Variants in TMEM117 observed in about 807,000 individuals in gnomAD.
TMEM117 encodes transmembrane protein 117.
In TMEM117, 27 loss-of-function variants were observed where a neutral mutation model predicts 52.4. That is an observed-to-expected ratio of 0.51 (90% confidence interval 0.38 to 0.71). The LOEUF is 0.71. Ranked by LOEUF, TMEM117 falls within the 30% of genes least tolerant of loss-of-function variation. The pLI, the probability that TMEM117 is intolerant of heterozygous loss-of-function variation, is 0.00. For missense variants in TMEM117, 556 were observed against 630.5 expected, an observed-to-expected ratio of 0.88 and a Z score of 1.26; for synonymous variants, 215 against 206.3, an observed-to-expected ratio of 1.04 and a Z score of -0.36.
At chr12:44,062,996 G>A (rs961902729) in intron 3 of TMEM117, among the ~76,000 whole-genome samples, 2 of 152,054 alleles carry the variant, frequency 1.3e-5, no homozygotes, top group East Asian at 1.9e-4. Context: ...ATTAACTCTC[G>A]GCCTCATGGG....
At chr12:44,165,737 A>T (rs773726188) in intron 4 of TMEM117, among the ~76,000 whole-genome samples, 26 of 152,216 alleles carry the variant, frequency 1.7e-4, no homozygotes, top group Non-Finnish European at 3.8e-4. Context: ...AATTATTATT[A>T]GATATAAAGG....
intron 3 of TMEM117, among the ~76,000 whole-genome samples, chr12:44,034,824 G>A (rs1946685608): frequency 6.6e-6 from 1 of 152,182 alleles, no homozygotes; most frequent in Admixed American, 6.5e-5. Flanking sequence ...TGTCTGTAAG[G>A]ATGTTTTTAG....
At chr12:44,130,974 T>A (rs895658376) in intron 3 of TMEM117, among the ~76,000 whole-genome samples, 3 of 152,160 alleles carry the variant, frequency 2.0e-5, no homozygotes, top group African/African-American at 4.8e-5. Context: ...TAGGACTAGC[T>A]GTGTTGGTCT....
chr12:43,848,723 G>C (rs1327276258), intron 2 of TMEM117, among the ~76,000 whole-genome samples: 1 of 152,164 alleles, frequency 6.6e-6, no homozygotes, highest in Non-Finnish European at 1.5e-5. Context: ...CTCAGCTTAC[G>C]AAGATAACAG....
intron 5 of TMEM117, among the ~76,000 whole-genome samples, chr12:44,255,718 A>G (rs1306587572): frequency 6.6e-6 from 1 of 152,140 alleles, no homozygotes; most frequent in Admixed American, 6.6e-5. Flanking sequence ...TAGAGAAAAT[A>G]CAGGAATAAA....
At chr12:43,898,284 A>G (rs1314920671) in intron 2 of TMEM117, among the ~76,000 whole-genome samples, 1 of 151,606 alleles carries the variant, frequency 6.6e-6, no homozygotes, top group Non-Finnish European at 1.5e-5. Context: ...TCTCTTAGTA[A>G]TCTAGCTAGA....
At chr12:43,999,730 A>G (rs935657729) in intron 3 of TMEM117, among the ~76,000 whole-genome samples, 1 of 152,052 alleles carries the variant, frequency 6.6e-6, no homozygotes, top group African/African-American at 2.4e-5. Context: ...GAGCTCAAGC[A>G]GTCCACTCGC....
chr12:44,195,570 A>G (rs1181220175), intron 4 of TMEM117, among the ~76,000 whole-genome samples: 3 of 152,160 alleles, frequency 2.0e-5, no homozygotes, highest in Non-Finnish European at 4.4e-5. Flanking sequence ...ACGTAAAGTA[A>G]TAATGCCTGG....
At chr12:43,832,400 G>A (rs1942988247), upstream of TMEM117, among the ~76,000 whole-genome samples, 1 of 152,204 alleles carries the variant, frequency 6.6e-6, no homozygotes, top group Non-Finnish European at 1.5e-5. Flanking sequence ...TGGGATGGAA[G>A]GAGACTGAAG....
Position 44,216,282 on chromosome 12 carries a change from A to G in TMEM117, c.608+4895A>G, listed in dbSNP as rs1949717640. On this transcript the variant is annotated intron_variant, in intron 5 of 7. Coordinates refer to ENST00000266534, the MANE Select transcript of TMEM117 (RefSeq NM_032256.3). ...TGGCCTCACAAAATTCTGGGATTAC[A>G]GGCATGAGCCACCACTCTCAGCCAA... 6.6e-5 allele frequency among the ~76,000 whole-genome samples: 10 copies of G among 152,080 alleles called. 1 individual carries two copies. The highest frequency in any genetic ancestry group is 6.6e-4 in the Admixed American group (10 of 15,260).
chr12:44,384,508 C>G lies in TMEM117; in HGVS notation c.899-3518C>G, dbSNP rs184743624. 9.6e-4 allele frequency among the ~76,000 whole-genome samples: 146 copies of G among 152,100 alleles called. 1 individual carries two copies. The highest frequency in any genetic ancestry group is 3.1e-3 in the African/African-American group (129 of 41,508). On this transcript the variant is annotated intron_variant, in intron 7 of 7. Transcript: ENST00000266534. ...CTCAAAATTCATAGATATAAAAGGT[C>G]TTTCCTCAGGGCCAATACTACTGCA...
intron 5 of TMEM117, among the ~76,000 whole-genome samples, chr12:44,274,477 A>T (rs187378344): frequency 2.6e-5 from 4 of 152,198 alleles, no homozygotes; most frequent in Non-Finnish European, 5.9e-5. Flanking sequence ...TGTAACAACA[A>T]GAGACCCAGA....
intron 3 of TMEM117, among the ~76,000 whole-genome samples, chr12:44,085,502 C>T (rs1266719342): frequency 6.6e-6 from 1 of 152,176 alleles, no homozygotes; most frequent in African/African-American, 2.4e-5. Flanking sequence ...ACTAAATTAC[C>T]AATAGGGAGC....
intron 3 of TMEM117, among the ~76,000 whole-genome samples, chr12:43,954,434 A>G (rs1034886344): frequency 2.0e-5 from 3 of 152,300 alleles, no homozygotes; most frequent in East Asian, 1.9e-4. Context: ...AGAAGACTCA[A>G]ATAAACACAA....
At chr12:44,255,624 G>T (rs754152431) in intron 5 of TMEM117, among the ~76,000 whole-genome samples, 3 of 152,108 alleles carry the variant, frequency 2.0e-5, no homozygotes, top group Non-Finnish European at 4.4e-5. Context: ...GCAGTTAATT[G>T]TAAAAGCAGG....
intron 3 of TMEM117, among the ~76,000 whole-genome samples, chr12:43,983,759 G>A (rs1945800185): frequency 6.6e-6 from 1 of 151,326 alleles, no homozygotes; most frequent in Non-Finnish European, 1.5e-5. Context: ...TAAACTCAGA[G>A]TGAAAAAAAC....
At chr12:44,362,314 G>T (rs879817102) in intron 6 of TMEM117, among the ~76,000 whole-genome samples, 7 of 152,060 alleles carry the variant, frequency 4.6e-5, no homozygotes, top group African/African-American at 1.7e-4. Context: ...CCTCATAGAG[G>T]TCTTTTCTTA....
chr12:44,035,100 G>A (rs865842554), intron 3 of TMEM117, among the ~76,000 whole-genome samples: 4 of 152,136 alleles, frequency 2.6e-5, no homozygotes, highest in East Asian at 3.9e-4. Flanking sequence ...TCTGAGTCTC[G>A]CGCTTGCAGA....
At chr12:44,238,456 T>C (rs1034248261) in intron 5 of TMEM117, among the ~76,000 whole-genome samples, 1 of 152,080 alleles carries the variant, frequency 6.6e-6, no homozygotes, top group South Asian at 2.1e-4. Context: ...TTTATACATA[T>C]ATCGCTATGA....
Sources: allele counts gnomAD v4.1 joint callset (sites outside exome capture counted in the v4.1 genomes callset), GRCh38; gene constraint gnomAD v4.1.1; transcripts MANE v1.5; gene names NCBI Gene and HGNC (gene_info 2026-07-23, HGNC 2026-07-21).